Variants in WWP2 observed in about 807,000 individuals in gnomAD.
The protein encoded by WWP2 is NEDD4-like E3 ubiquitin-protein ligase WWP2.
Under a neutral mutation model 121.0 loss-of-function variants are expected in WWP2, and 57 were observed. That is an observed-to-expected ratio of 0.47 (90% CI 0.38 to 0.59). The LOEUF (loss-of-function observed/expected upper bound fraction) is 0.59, where lower values mean the gene tolerates loss of function less well. Ranked by LOEUF, WWP2 falls within the 20% of genes least tolerant of loss-of-function variation. The pLI is 0.00. For missense variants in WWP2, 962 were observed against 1,158.9 expected (o/e 0.83, Z 2.47); for synonymous variants, 449 against 441.3 (o/e 1.02, Z -0.22).
chr16:69,934,826 A>G (rs2058770988), intron 17 of WWP2, among the ~76,000 whole-genome samples: 1 of 151,946 alleles, frequency 6.6e-6, no homozygotes. Flanking sequence ...AGCTTTTTAC[A>G]TTTTTAGGTT....
intron 7 of WWP2, among the ~76,000 whole-genome samples, chr16:69,887,526 C>A (rs993455405): frequency 6.6e-6 from 1 of 152,146 alleles, no homozygotes; most frequent in Non-Finnish European, 1.5e-5. Context: ...CTGCCTCAGC[C>A]TCCCAACTAG....
At chr16:69,902,641 T>A (rs1285909767) in intron 8 of WWP2, among the ~76,000 whole-genome samples, 1 of 152,176 alleles carries the variant, frequency 6.6e-6, no homozygotes, top group Non-Finnish European at 1.5e-5. Context: ...GTAGTTTGAT[T>A]GAAAAGCCTT....
chr16:69,857,907 C>T (rs1211402554), intron 6 of WWP2, among the ~76,000 whole-genome samples: 1 of 151,956 alleles, frequency 6.6e-6, no homozygotes, highest in African/African-American at 2.4e-5. Context: ...CTCAGCCTCC[C>T]AAAGTGTTGG....
intron 4 of WWP2, among the ~76,000 whole-genome samples, chr16:69,839,202 T>C (rs1451400286): frequency 6.6e-6 from 1 of 152,044 alleles, no homozygotes; most frequent in Non-Finnish European, 1.5e-5. Flanking sequence ...TTTTGTAAGG[T>C]GTGGAGTGGA....
chr16:69,866,802 A>G (rs1226941930), intron 6 of WWP2, among the ~76,000 whole-genome samples: 4 of 6,974 alleles, frequency 5.7e-4, no homozygotes, highest in Non-Finnish European at 1.1e-3. Context: ...TCAGTTCCGT[A>G]TTTATTTATT....
intron 17 of WWP2, among the ~76,000 whole-genome samples, chr16:69,934,719 C>A (rs66717971): frequency 0.49 from 73,680 of 150,914 alleles, 20,281 homozygotes; most frequent in East Asian, 0.83. Context: ...AGACCCTGGG[C>A]CCCCTCTTGA....
intron 1 of WWP2, among the ~76,000 whole-genome samples, chr16:69,771,889 G>T (rs2055423684): frequency 6.8e-6 from 1 of 147,288 alleles, no homozygotes; most frequent in African/African-American, 2.5e-5. Flanking sequence ...TATCCCTATT[G>T]TCAACTATGC....
chr16:69,841,110 G>A (rs751676355), intron 5 of WWP2, among the ~76,000 whole-genome samples: 3 of 152,230 alleles, frequency 2.0e-5, no homozygotes, highest in Non-Finnish European at 4.4e-5. Flanking sequence ...GTATGCACTA[G>A]GTCTTAGACC....
intron 4 of WWP2, among the ~76,000 whole-genome samples, chr16:69,831,308 G>T (rs1190761940): frequency 6.6e-6 from 1 of 152,122 alleles, no homozygotes; most frequent in African/African-American, 2.4e-5. Context: ...GGTGGTATGG[G>T]GTGGGGAGGG....
At chr16:69,816,745 A>T (rs1054092188) in intron 4 of WWP2, among the ~76,000 whole-genome samples, 1 of 151,982 alleles carries the variant, frequency 6.6e-6, no homozygotes, top group African/African-American at 2.4e-5. Flanking sequence ...ACGTATACAT[A>T]TACACACGTA....
chr16:69,811,720 A>G (rs563656307), intron 4 of WWP2, among the ~76,000 whole-genome samples: 3 of 152,300 alleles, frequency 2.0e-5, no homozygotes, highest in African/African-American at 7.2e-5. Context: ...TGTCACTGCA[A>G]TCCAGTCTGG....
intron 4 of WWP2, among the ~76,000 whole-genome samples, chr16:69,837,757 C>T (rs760237556): frequency 3.9e-5 from 6 of 152,258 alleles, no homozygotes; most frequent in East Asian, 1.9e-4. Context: ...CTTCCAATAG[C>T]GGTGTGTGTC....
intron 8 of WWP2, among the ~76,000 whole-genome samples, chr16:69,898,281 G>A (rs1041764881): frequency 4.6e-5 from 7 of 152,008 alleles, no homozygotes; most frequent in Non-Finnish European, 8.8e-5. Context: ...GCCCACCTCG[G>A]CCTCCCAAAG....
At chr16:69,889,086 G>A (rs1277032796) in intron 8 of WWP2, among the ~76,000 whole-genome samples, 2 of 152,108 alleles carry the variant, frequency 1.3e-5, no homozygotes, top group Admixed American at 6.5e-5. Context: ...GGCTGGGGTG[G>A]GAGGATCACT....
At chr16:69,787,938 G>A (rs2055826693) in intron 2 of WWP2, 1 of 152,468 alleles carries the variant, frequency 6.6e-6, no homozygotes, top group Non-Finnish European at 1.5e-5. Flanking sequence ...CCACCCCTAG[G>A]TCCCAGCCTA....
chr16:69,821,724 CTTTTT>C (rs557543615), intron 4 of WWP2, among the ~76,000 whole-genome samples: 1 of 130,794 alleles, frequency 7.6e-6, no homozygotes. Flanking sequence ...TTCTTTCTTA[CTTTTT>C]TTTTTTTTTT....
chr16:69,792,278 G>A (rs75191689), intron 2 of WWP2, among the ~76,000 whole-genome samples: 3,597 of 152,236 alleles, frequency 0.024, 143 homozygotes, highest in African/African-American at 0.079. Flanking sequence ...TCTCTGAAAA[G>A]CATAGTATAA....
intron 12 of WWP2, 136 bp from the exon 13 acceptor site, chr16:69,929,994 T>C: frequency 3.7e-6 from 5 of 1,340,502 alleles, no homozygotes; most frequent in Non-Finnish European, 5.1e-6. Flanking sequence ...ACTTGGGTCA[T>C]GCTTCTTGGG....
At chr16:69,821,895 A>C (rs2056599726) in intron 4 of WWP2, among the ~76,000 whole-genome samples, 1 of 151,568 alleles carries the variant, frequency 6.6e-6, no homozygotes, top group East Asian at 1.9e-4. Flanking sequence ...AATAAGAAAC[A>C]GGGTCTTACT....
Sources: gnomAD v4.1 joint callset for allele counts (sites outside exome capture counted in the v4.1 genomes callset) on GRCh38, gnomAD v4.1.1 for gene constraint, MANE v1.5 for transcripts, NCBI Gene and HGNC (gene_info 2026-07-23, HGNC 2026-07-21) for gene names.